PDK1: variants seen among roughly 807,000 people sequenced by gnomAD.
The protein encoded by PDK1 is pyruvate dehydrogenase kinase 1, also known as [Pyruvate dehydrogenase (acetyl-transferring)] kinase isozyme 1, mitochondrial.
In PDK1, 39 loss-of-function variants were observed where a neutral mutation model predicts 54.2. That is an observed-to-expected ratio of 0.72 (90% confidence interval 0.56 to 0.94). PDK1 has a LOEUF of 0.94. PDK1 is among the 40% of genes least tolerant of loss of function. The pLI is 0.00. For synonymous variants in PDK1, 221 were observed against 207.1 expected (o/e 1.07, Z -0.58); for missense variants, 552 against 566.0 (o/e 0.98, Z 0.25).
In PDK1 at chr2:172,606,238, C is replaced by T. The variant is rs1691288423; in HGVS notation, c.*10269C>T. ...TTGATGAGAGTATAGTGATCATAAG[C>T]AGACATTGGGTGCTTTAGCAAAGCC... On this transcript the variant is annotated 3_prime_UTR_variant, in exon 11 of 11. Coordinates refer to ENST00000282077, the MANE Select transcript of PDK1 (RefSeq NM_002610.5). The T allele has an allele frequency of 6.6e-6, 1 of 152,202 alleles. No homozygotes were observed. The highest frequency in any genetic ancestry group is 1.5e-5 in the Non-Finnish European group (1 of 68,050). 9.4% of individuals were successfully genotyped at this position (152,202 alleles called of 1,614,324 possible).
intron 1 of PDK1, 157 bp downstream of exon 1, chr2:172,556,503 C>G (rs922147084): frequency 9.3e-5 from 45 of 484,098 alleles, no homozygotes; most frequent in Non-Finnish European, 1.3e-4. Context: ...CTTCCTTCCT[C>G]CCTCCGAAGT....
chr2:172,584,837 T>G (rs13386103), intron 8 of PDK1, among the ~76,000 whole-genome samples: 14,138 of 148,350 alleles, frequency 0.095, 781 homozygotes, highest in Middle Eastern at 0.12. Flanking sequence ...AAAGTTTTTT[T>G]TTTTTTTTTT....
the PDK1 span, among the ~76,000 whole-genome samples, chr2:172,620,300 G>C: frequency 6.6e-6 from 1 of 152,122 alleles, no homozygotes; most frequent in African/African-American, 2.4e-5. Flanking sequence ...TTTAAGAATG[G>C]GAACCAGAAG....
intron 5 of PDK1, 51 bp downstream of exon 5, chr2:172,565,124 T>C (rs773244911): frequency 7.5e-6 from 8 of 1,067,724 alleles, no homozygotes; most frequent in Non-Finnish European, 8.7e-6. Flanking sequence ...ATCAAAATTA[T>C]TGTTATTTCT....
At chr2:172,612,541 C>T (rs888970414), downstream of PDK1, among the ~76,000 whole-genome samples, 5 of 152,046 alleles carry the variant, frequency 3.3e-5, no homozygotes, top group African/African-American at 1.2e-4. Flanking sequence ...GTGATAGGAA[C>T]ACTGTGTTCT....
the PDK1 span, among the ~76,000 whole-genome samples, chr2:172,690,492 C>T: frequency 6.7e-6 from 1 of 150,250 alleles, no homozygotes; most frequent in Non-Finnish European, 1.5e-5. Context: ...CCAGCAATCC[C>T]ATTACTGGGT....
At chr2:172,578,325 C>G (rs543943245) in intron 8 of PDK1, among the ~76,000 whole-genome samples, 3 of 152,218 alleles carry the variant, frequency 2.0e-5, no homozygotes, top group Non-Finnish European at 4.4e-5. Context: ...TTGAACCCCT[C>G]TAGTGAAATT....
chr2:172,633,576 G>GT, the PDK1 span, among the ~76,000 whole-genome samples: 2 of 11,634 alleles, frequency 1.7e-4, no homozygotes, highest in Non-Finnish European at 5.4e-4. Context: ...TGTTTTGCTT[G>GT]TTTTTTTAAT....
chr2:172,581,397 G>A (rs934766560), intron 8 of PDK1, among the ~76,000 whole-genome samples: 7 of 152,154 alleles, frequency 4.6e-5, no homozygotes, highest in Admixed American at 2.6e-4. Flanking sequence ...AGCCTGCTAT[G>A]TAAATTATAT....
the PDK1 span, chr2:172,677,370 CT>C: frequency 6.6e-6 from 1 of 152,316 alleles, no homozygotes; most frequent in East Asian, 1.9e-4. Flanking sequence ...TTGCTGAAGC[CT>C]TTCTTCCAGT....
rs755417190 is a variant in PDK1 at position 172,565,053 on chromosome 2, A to G, written c.671A>G (p.Asn224Ser). ...ATTGGAAGCATAAATCCAAACTGCA[A>G]TGTACTTGAAGTTATTAAAGGTAAA... ...KHIGSINPNC[N>S]VLEVIKDGYE... The change falls in exon 5 of 11, where the codon AAT (asparagine) becomes AGT (serine). Residue 224 changes from asparagine to serine, a missense_variant. Physicochemically the swap from Asn to Ser is conservative, Grantham distance 46. Coordinates refer to ENST00000282077, the MANE Select transcript of PDK1 (RefSeq NM_002610.5). 3.1e-6 allele frequency: 5 copies of G among 1,600,004 alleles called. No homozygotes were observed. Among genetic ancestry groups the G allele is most frequent in the African/African-American group, 1.3e-5 (1 of 74,830 alleles).
rs576673542 is a variant in PDK1, at chr2:172,602,454, A to G, written c.*6485A>G. 1.3e-5 allele frequency: 2 copies of G among 152,352 alleles called. No homozygotes were observed. The highest frequency in any genetic ancestry group is 2.4e-5 in the African/African-American group (1 of 41,588). The allele number at this position is 152,352 out of a possible 1,614,324, so 9.4% of individuals were successfully genotyped here. ...AATTAAAAGTGCTTAACTCACTTAT[A>G]TAAGCCATTAGTGGATGTTACAATA... On this transcript the variant is annotated 3_prime_UTR_variant, in exon 11 of 11. Coordinates refer to ENST00000282077, the MANE Select transcript of PDK1 (RefSeq NM_002610.5).
chr2:172,665,319 A>T, the PDK1 span, among the ~76,000 whole-genome samples: 1 of 152,192 alleles, frequency 6.6e-6, no homozygotes, highest in Non-Finnish European at 1.5e-5. Context: ...AATCAAACTC[A>T]GGATCCTTCA....
chr2:172,574,803 A>G (rs770566220), intron 8 of PDK1, among the ~76,000 whole-genome samples: 6 of 152,132 alleles, frequency 3.9e-5, no homozygotes, highest in Non-Finnish European at 7.4e-5. Flanking sequence ...TGTCTTTATT[A>G]GTGCTAGTAA....
At chr2:172,681,087 G>A in the PDK1 span, among the ~76,000 whole-genome samples, 2 of 152,212 alleles carry the variant, frequency 1.3e-5, no homozygotes, top group South Asian at 2.1e-4. Flanking sequence ...GATCTCTCTT[G>A]TTTTGGACTG....
the PDK1 span, among the ~76,000 whole-genome samples, chr2:172,685,616 T>A: frequency 6.6e-6 from 1 of 152,224 alleles, no homozygotes; most frequent in South Asian, 2.1e-4. Context: ...ATTAATAAAA[T>A]GTGAGTGTTT....
the PDK1 span, among the ~76,000 whole-genome samples, chr2:172,650,491 C>T: frequency 1.3e-5 from 2 of 152,032 alleles, no homozygotes; most frequent in Non-Finnish European, 2.9e-5. Context: ...TGATATTAAC[C>T]TTAAATGTAA....
chr2:172,673,306 G>T, the PDK1 span, among the ~76,000 whole-genome samples: 31 of 152,102 alleles, frequency 2.0e-4, no homozygotes, highest in African/African-American at 7.0e-4. Flanking sequence ...GTTCAATTGA[G>T]GCATTCTTCC....
chr2:172,629,769 G>A, the PDK1 span, among the ~76,000 whole-genome samples: 61 of 152,278 alleles, frequency 4.0e-4, no homozygotes, highest in Admixed American at 1.1e-3. Context: ...GCAACCCCTA[G>A]GTGCTGCTGC....
Sources: allele counts gnomAD v4.1 joint callset (sites outside exome capture counted in the v4.1 genomes callset), GRCh38; gene constraint gnomAD v4.1.1; transcripts MANE v1.5; gene names NCBI Gene and HGNC (gene_info 2026-07-23, HGNC 2026-07-21).